Variants in AUTS2 observed in about 807,000 individuals in gnomAD.
AUTS2 encodes autism susceptibility gene 2 protein.
AUTS2 carries 17 observed loss-of-function variants against 112.4 expected under a neutral mutation model. The ratio of observed to expected loss-of-function variants is 0.15; its 90% CI spans 0.10 to 0.23. AUTS2 has a LOEUF of 0.23. Among genes scored for constraint, AUTS2 ranks in the 10% least tolerant of loss-of-function variants. AUTS2 has a pLI of 1.00. For missense variants in AUTS2, 1,510 were observed against 1,701.6 expected (o/e 0.89, Z 1.98); for synonymous variants, 751 against 702.7 (o/e 1.07, Z -1.09).
In AUTS2 at chr7:70,763,328, C is replaced by G. The variant is rs776702565; in HGVS notation, c.1201C>G (p.Leu401Val). ...LSAYNSSSLS[L>V]NSLSSSRSST... ...AGCCTACAACAGCAGTAGCTTAAGC[C>G]TCAACAGTTTAAGGTGAGTGGCCTG... The change falls in exon 7 of 19, where the codon CTC (leucine) becomes GTC (valine). Residue 401 changes from leucine to valine, a missense_variant. By Grantham distance (32) the Leu-to-Val change is conservative. This residue lies in a region of AUTS2 where 535 missense variants were observed against 594.3 expected (regional missense o/e 0.90). Coordinates refer to ENST00000342771, the MANE Select transcript of AUTS2 (RefSeq NM_015570.4). 1 of 1,575,028 alleles carries G rather than the reference C, an allele frequency of 6.3e-7. No individual in the cohort carries two copies. The highest frequency in any genetic ancestry group is 2.3e-5 in the East Asian group (1 of 44,402).
chr7:70,408,269 G>A (rs891958076), intron 4 of AUTS2, among the ~76,000 whole-genome samples: 1 of 152,088 alleles, frequency 6.6e-6, no homozygotes, highest in Non-Finnish European at 1.5e-5. Flanking sequence ...GGGAAGGAAG[G>A]GGTCTGGTAT....
chr7:70,498,033 G>C (rs1049322087), intron 5 of AUTS2, among the ~76,000 whole-genome samples: 9 of 152,314 alleles, frequency 5.9e-5, no homozygotes, highest in African/African-American at 2.2e-4. Context: ...GCCAAGGAGA[G>C]AAAGAAAGCA....
At chr7:70,742,322 T>G (rs1585608921) in intron 6 of AUTS2, among the ~76,000 whole-genome samples, 1 of 152,322 alleles carries the variant, frequency 6.6e-6, no homozygotes, top group African/African-American at 2.4e-5. Flanking sequence ...ATAAGTCTGG[T>G]TCCTAATTAC....
At chr7:69,740,898 G>A (rs1787236897) in intron 1 of AUTS2, among the ~76,000 whole-genome samples, 1 of 152,164 alleles carries the variant, frequency 6.6e-6, no homozygotes, top group African/African-American at 2.4e-5. Flanking sequence ...ATGAGAAAGA[G>A]CTTTTGCCCA....
At chr7:70,225,681 C>A (rs1184977772) in intron 4 of AUTS2, among the ~76,000 whole-genome samples, 1 of 152,022 alleles carries the variant, frequency 6.6e-6, no homozygotes, top group East Asian at 1.9e-4. Context: ...GCAAAAAAAT[C>A]AAAAACACTG....
intron 5 of AUTS2, among the ~76,000 whole-genome samples, chr7:70,491,837 C>T (rs1028880648): frequency 6.6e-6 from 1 of 151,994 alleles, no homozygotes; most frequent in Non-Finnish European, 1.5e-5. Context: ...CTGGTCCCTA[C>T]GTCCTGACCT....
At chr7:69,862,892 G>A (rs1271091524) in intron 1 of AUTS2, among the ~76,000 whole-genome samples, 1 of 152,114 alleles carries the variant, frequency 6.6e-6, no homozygotes, top group Non-Finnish European at 1.5e-5. Flanking sequence ...GGATAGTCCT[G>A]TTTTCTTTTG....
intron 5 of AUTS2, among the ~76,000 whole-genome samples, chr7:70,463,979 A>G (rs1797074239): frequency 6.6e-6 from 1 of 152,180 alleles, no homozygotes; most frequent in South Asian, 2.1e-4. Flanking sequence ...ACAATGTTCA[A>G]CAAATCTGTA....
chr7:70,425,017 A>G (rs1795374905), intron 4 of AUTS2, among the ~76,000 whole-genome samples: 1 of 152,182 alleles, frequency 6.6e-6, no homozygotes, highest in Non-Finnish European at 1.5e-5. Context: ...TTTCCAAAAT[A>G]GAGAGCTCAG....
intron 1 of AUTS2, among the ~76,000 whole-genome samples, chr7:69,703,525 T>A (rs1212830522): frequency 6.6e-6 from 1 of 152,228 alleles, no homozygotes; most frequent in Non-Finnish European, 1.5e-5. Context: ...CCTTTAGTAC[T>A]CTGCCTTCAA....
intron 1 of AUTS2, among the ~76,000 whole-genome samples, chr7:69,751,471 C>T (rs979807908): frequency 6.6e-6 from 1 of 152,092 alleles, no homozygotes; most frequent in Non-Finnish European, 1.5e-5. Flanking sequence ...TTATATTCTC[C>T]TTGGTACTTT....
chr7:70,209,937 C>T (rs1357383465), intron 4 of AUTS2, among the ~76,000 whole-genome samples: 1 of 151,948 alleles, frequency 6.6e-6, no homozygotes, highest in Non-Finnish European at 1.5e-5. Flanking sequence ...TTGGAATCCC[C>T]CCCTCCACCA....
chr7:69,598,796 G>C lies in AUTS2; in HGVS notation c.-858G>C, dbSNP rs1220317443. 6.6e-6 allele frequency: 1 copy of C among 151,086 alleles called. No homozygotes were observed. The highest frequency in any genetic ancestry group is 2.0e-4 in the South Asian group (1 of 5,050). 9.4% of individuals were successfully genotyped at this position (151,086 alleles called of 1,614,324 possible). ...TGTGAGGAGGGGGGCGGGTGGCAGC[G>C]ACAGGGTTTGCTTCTTCTCTTCTTT... On this transcript the variant is annotated 5_prime_UTR_variant, in exon 1 of 19. Coordinates refer to ENST00000342771, the MANE Select transcript of AUTS2 (RefSeq NM_015570.4).
chr7:69,637,098 T>G (rs1189930522), intron 1 of AUTS2, among the ~76,000 whole-genome samples: 1 of 152,158 alleles, frequency 6.6e-6, no homozygotes, highest in East Asian at 1.9e-4. Context: ...TGCATAATAG[T>G]CAATTGTGTG....
intron 2 of AUTS2, among the ~76,000 whole-genome samples, chr7:69,902,640 AT>A (rs1042730279): frequency 6.6e-6 from 1 of 151,606 alleles, no homozygotes; most frequent in Non-Finnish European, 1.5e-5. Flanking sequence ...AAAGAATAGG[AT>A]TTTTTTTTCT....
chr7:70,083,996 C>T (rs149614700), intron 2 of AUTS2, among the ~76,000 whole-genome samples: 1 of 152,066 alleles, frequency 6.6e-6, no homozygotes, highest in East Asian at 1.9e-4. Flanking sequence ...TTCCTCCTTT[C>T]TCTTTGTAAT....
intron 2 of AUTS2, among the ~76,000 whole-genome samples, chr7:70,105,280 A>G (rs1804708070): frequency 6.6e-6 from 1 of 152,032 alleles, no homozygotes; most frequent in Non-Finnish European, 1.5e-5. Flanking sequence ...GTTTTTATAG[A>G]GATGGGGTCT....
intron 4 of AUTS2, among the ~76,000 whole-genome samples, chr7:70,257,696 G>A (rs945603099): frequency 7.9e-5 from 12 of 151,004 alleles, no homozygotes; most frequent in African/African-American, 2.4e-4. Flanking sequence ...GGGCCTGAGC[G>A]ATCCTCCCAC....
intron 1 of AUTS2, among the ~76,000 whole-genome samples, chr7:69,732,316 T>C (rs976131613): frequency 2.0e-5 from 3 of 152,108 alleles, no homozygotes; most frequent in African/African-American, 7.2e-5. Context: ...TAGTTACACA[T>C]AGGTGCTCAG....
Sources: allele counts gnomAD v4.1 joint callset (sites outside exome capture counted in the v4.1 genomes callset), GRCh38; gene constraint gnomAD v4.1.1; regional missense constraint gnomAD v4.1.1; transcripts MANE v1.5; gene names NCBI Gene and HGNC (gene_info 2026-07-23, HGNC 2026-07-21).